Variants in PLEC observed in about 807,000 individuals in gnomAD.
The protein encoded by PLEC is hemidesmosomal protein 1.
Under a neutral mutation model 392.8 loss-of-function variants are expected in PLEC, and 216 were observed. The observed-to-expected ratio is 0.55, with a 90% CI of 0.49 to 0.62. The LOEUF (loss-of-function observed/expected upper bound fraction) is 0.62. Among genes scored for constraint, PLEC ranks in the 20% least tolerant of loss-of-function variants. The pLI is 0.00. For synonymous variants in PLEC, 3,621 were observed against 2,980.6 expected, an observed-to-expected ratio of 1.21 and a Z score of -7.00; for missense variants, 6,863 against 6,563.4, an observed-to-expected ratio of 1.05 and a Z score of -1.58.
In PLEC at chr8:143,929,399, G is replaced by A. The variant is rs1373601781; in HGVS notation, c.3081+15C>T. On this transcript the variant is annotated intron_variant, in intron 24 of 31. Transcript: ENST00000345136. ...GGGAGAGGGATGGGACTGGATGGGG[G>A]GGGACGGCCCCTGCCTGCTGCTCGG... 6.4e-7 allele frequency: 1 copy of A among 1,561,532 alleles called. No homozygotes were observed. Among genetic ancestry groups the A allele is most frequent in the Non-Finnish European group, 8.6e-7 (1 of 1,156,332 alleles).
Position 143,927,415 on chromosome 8 carries a change from C to G in PLEC, c.3751G>C (p.Glu1251Gln). The G allele has an allele frequency of 2.5e-6, 4 of 1,604,634 alleles. No homozygotes were observed. The highest frequency in any genetic ancestry group is 3.4e-6 in the Non-Finnish European group (4 of 1,179,020). Residue 1251 changes from glutamate (E) to glutamine (Q), a missense_variant, in exon 27 of 32, where the codon GAG becomes CAG. By Grantham distance (29) the Glu-to-Gln change is conservative (BLOSUM62 2). Transcript: ENST00000345136. ...SQAVREQLRQ[E>Q]QALLEEIERH... ...CCCCACCGACCCAAGCCCACCTGCTCCTGCCGCAGCTGCTCCCGCACAGCC... is the reference window on the plus strand; with the variant it reads ...CCCCACCGACCCAAGCCCACCTGCTGCTGCCGCAGCTGCTCCCGCACAGCC...
upstream of PLEC, among the ~76,000 whole-genome samples, chr8:143,951,148 CTG>C (rs1371905422): frequency 6.6e-6 from 1 of 151,968 alleles, no homozygotes; most frequent in African/African-American, 2.4e-5. Flanking sequence ...GTCCCTAAGA[CTG>C]TGCTGGGGCA....
chr8:143,955,086 G>A (rs782481863), upstream of PLEC, among the ~76,000 whole-genome samples: 9 of 152,088 alleles, frequency 5.9e-5, no homozygotes, highest in Non-Finnish European at 7.4e-5. Flanking sequence ...CCCCCTGCCC[G>A]TCCCTGCCCT....
upstream of PLEC, among the ~76,000 whole-genome samples, chr8:143,955,594 GTTTT>G (rs782268602): frequency 3.4e-4 from 51 of 148,656 alleles, 1 homozygote; most frequent in Non-Finnish European, 1.9e-4. Context: ...AAAAAATGCT[GTTTT>G]TTTTTTGTTT....
chr8:143,938,573 CCCTCAGCGCCTCCCACAG>C, intron 2 of PLEC, 40 bp downstream of exon 2: 1 of 1,578,938 alleles, frequency 6.3e-7, no homozygotes, highest in South Asian at 1.1e-5. Flanking sequence ...GGGCCACCCT[CCCTCAGCGCCTCCCACAG>C]CCTCAGCCCC....
upstream of PLEC, among the ~76,000 whole-genome samples, chr8:143,957,101 A>G (rs1411387548): frequency 6.6e-6 from 1 of 152,034 alleles, no homozygotes; most frequent in East Asian, 1.9e-4. Flanking sequence ...ACAGCCGGGG[A>G]TTTCAACAGG....
chr8:143,955,478 C>A (rs558217538), upstream of PLEC, among the ~76,000 whole-genome samples: 14 of 152,212 alleles, frequency 9.2e-5, no homozygotes, highest in Non-Finnish European at 1.6e-4. Flanking sequence ...TGAGCTGTAT[C>A]TGGATAAACC....
chr8:143,952,220 A>ACACACACACACACACGCG (rs782520190), upstream of PLEC, among the ~76,000 whole-genome samples: 2 of 139,892 alleles, frequency 1.4e-5, no homozygotes, highest in South Asian at 4.3e-4. Context: ...GCGCGCACAC[A>ACACACACACACACACGCG]CGCACGCGCA....
In PLEC at chr8:143,920,369, C is replaced by T. The variant is rs141002386; in HGVS notation, c.9452G>A (p.Arg3151His). The T allele has an allele frequency of 5.5e-5, 87 of 1,593,488 alleles. No homozygotes were observed. The highest frequency in any genetic ancestry group is 6.8e-5 in the Non-Finnish European group (80 of 1,173,960). The change falls in exon 32 of 32, where the codon CGC (arginine) becomes CAC (histidine). Residue 3151 changes from arginine (R) to histidine (H), a missense_variant. By Grantham distance (29) the Arg-to-His change is conservative. Transcript: ENST00000345136. ...GGIVDPSKSH[R>H]VPLDVACARG... ...GGCGCAGGCGACATCCAGGGGCACGCGGTGGCTCTTGCTGGGGTCCACGAT... is the reference window on the plus strand; with the variant it reads ...GGCGCAGGCGACATCCAGGGGCACGTGGTGGCTCTTGCTGGGGTCCACGAT...
chr8:143,939,642 C>T (rs1405974522), upstream of PLEC: 40 of 1,419,206 alleles, frequency 2.8e-5, no homozygotes, highest in Non-Finnish European at 3.3e-5. Context: ...CCGGCGAGGC[C>T]GGCCCGCCCC....
chr8:143,950,059 G>T (rs549134086), intron 1 of PLEC: 2 of 1,264,712 alleles, frequency 1.6e-6, no homozygotes, highest in Non-Finnish European at 2.1e-6. Flanking sequence ...CCACCTGCTG[G>T]TGTGAGCGAC....
At position 143,935,967 on chromosome 8, in the gene PLEC, C is replaced by T; in HGVS notation, c.483G>A (p.Lys161=). The part of the protein sequence containing the change: ...VSGQSEDMTA[K]EKLLLWSQRM... ...GCTGCGACCACAGCAGCAGCTTCTC[C>T]TTGGCCGTCATGTCCTCCGACTGCC... is the stretch of plus-strand genomic sequence containing the variant. Residue 161 remains lysine, a synonymous_variant, in exon 6 of 32, where the codon AAG becomes AAA. Coordinates refer to ENST00000345136, the MANE Select transcript of PLEC (RefSeq NM_201384.3). 4 of 1,612,862 alleles carry T rather than the reference C, an allele frequency of 2.5e-6. No homozygotes were observed. Among genetic ancestry groups the T allele is most frequent in the Non-Finnish European group, 2.5e-6 (3 of 1,179,984 alleles).
upstream of PLEC, among the ~76,000 whole-genome samples, chr8:143,973,709 G>T (rs1179521155): frequency 9.3e-5 from 14 of 150,994 alleles, no homozygotes; most frequent in Non-Finnish European, 1.6e-4. This position sits in a 1 kb window ranked among gnomAD's most constrained non-coding sequence, Gnocchi z 5.6. Context: ...CCGCACGCAC[G>T]CCCTTTCCCG....
intron 1 of PLEC, among the ~76,000 whole-genome samples, chr8:143,962,353 G>T (rs1176744109): frequency 6.6e-6 from 1 of 152,190 alleles, no homozygotes; most frequent in African/African-American, 2.4e-5. Context: ...AGAAAGCGTG[G>T]ACCTGCCGAC....
chr8:143,944,080 C>T (rs2132536761), upstream of PLEC: 1 of 773,182 alleles, frequency 1.3e-6, no homozygotes, highest in Non-Finnish European at 2.0e-6. Context: ...CTCTCCTCCT[C>T]CCTCCGCGGG....
rs942658065 is a variant in PLEC, at chr8:143,923,766, C to T, written c.6163G>A (p.Ala2055Thr). 1.1e-5 allele frequency: 17 copies of T among 1,564,068 alleles called. No homozygotes were observed. The highest frequency in any genetic ancestry group is 1.4e-5 in the African/African-American group (1 of 74,006). Residue 2055 changes from alanine to threonine, a missense_variant, in exon 31 of 32, where the codon GCC becomes ACC. Ala to Thr is a moderately conservative substitution (Grantham distance 58). Transcript: ENST00000345136. ...TGCTCCTTCTGCTGCACCGCGAAGG[C>T]GTGTGCCTTCTCTTCCGCCTGCAGC... ...KRLQAEEKAH[A>T]FAVQQKEQEL...
rs782402772 is a variant in PLEC, at chr8:143,933,989, C to A, written c.1263+9G>T. 5.0e-6 allele frequency: 8 copies of A among 1,606,050 alleles called. 1 individual carries two copies. Among genetic ancestry groups the A allele is most frequent in the Non-Finnish European group, 5.9e-6 (7 of 1,176,530 alleles). On this transcript the variant is annotated intron_variant, in intron 12 of 31. Coordinates refer to ENST00000345136, the MANE Select transcript of PLEC (RefSeq NM_201384.3). ...CCTCCCGCCCACTGCCTGCCCCACA[C>A]CCCCTCACCGACTGCAGCAGGGCGT...
At chr8:143,934,173 CCG>C in intron 11 of PLEC, 82 bp from the exon 12 acceptor site, 1 of 1,588,368 alleles carries the variant, frequency 6.3e-7, no homozygotes, top group Non-Finnish European at 8.6e-7. Context: ...GCCTCCCGCT[CCG>C]GTCTCCCTGG....
Position 143,921,637 on chromosome 8 carries a change from G to T in PLEC, c.8184C>A (p.Ile2728=). The change falls in exon 32 of 32, where the codon ATC becomes ATA. Residue 2728 remains isoleucine, a synonymous_variant. Transcript: ENST00000345136. ...CTGAGGCCGCCTGCGCCTCCAGCAG[G>T]ATGAGGGCCGTGCCGGGACTCAGCA... The part of the protein sequence containing the change: ...RQLLSPGTAL[I]LLEAQAASGF... The T allele has an allele frequency of 6.2e-7, 1 of 1,613,052 alleles. No individual in the cohort carries two copies.
Sources: allele counts gnomAD v4.1 joint callset (sites outside exome capture counted in the v4.1 genomes callset), GRCh38; gene constraint gnomAD v4.1.1; non-coding constraint Gnocchi (gnomAD v3.1); transcripts MANE v1.5; gene names NCBI Gene and HGNC (gene_info 2026-07-23, HGNC 2026-07-21).